Variants in TMEM183A observed in about 807,000 individuals in gnomAD.
TMEM183A encodes the protein chromosome 1 open reading frame 37.
In TMEM183A, 21 loss-of-function variants were observed where a neutral mutation model predicts 46.7. The observed-to-expected ratio is 0.45, with a 90% confidence interval of 0.32 to 0.65. TMEM183A has a LOEUF of 0.65. Among genes scored for constraint, TMEM183A ranks in the 30% least tolerant of loss-of-function variants. The pLI, the probability that TMEM183A is intolerant of heterozygous loss-of-function variation, is 0.04. For missense variants in TMEM183A, 331 were observed against 481.9 expected, an observed-to-expected ratio of 0.69 and a Z score of 2.93; for synonymous variants, 165 against 180.2, an observed-to-expected ratio of 0.92 and a Z score of 0.68.
rs190276133 is a variant in TMEM183A, at chr1:203,017,717, T to G, written c.709-764T>G. Reference sequence around the variant, plus strand: ...GAAGTTGTCCCATGTTTCTGGACTCTAGCTTTTCGTATTTGATTCCCCCTC... The same window carrying G: ...GAAGTTGTCCCATGTTTCTGGACTCGAGCTTTTCGTATTTGATTCCCCCTC... On this transcript the variant is annotated intron_variant, in intron 5 of 7. Coordinates refer to ENST00000367242, the MANE Select transcript of TMEM183A (RefSeq NM_138391.6). The G allele has an allele frequency of 2.4e-3, 2,332 of 985,828 alleles. 60 individuals are homozygous for G. The Admixed American group carries it at 0.071, about 30-fold the overall frequency. 61.1% of individuals were successfully genotyped at this position (985,828 alleles called of 1,614,324 possible).
At chr1:203,007,962 C>T in intron 2 of TMEM183A, 99 bp downstream of exon 2, 1 of 1,463,292 alleles carries the variant, frequency 6.8e-7, no homozygotes, top group Non-Finnish European at 9.3e-7. Context: ...CTTCCTGTAA[C>T]CGTGTTTGCT....
intron 2 of TMEM183A, among the ~76,000 whole-genome samples, 184 bp downstream of exon 2, chr1:203,008,047 TTC>T (rs1656150888): frequency 1.3e-5 from 2 of 152,036 alleles, no homozygotes; most frequent in African/African-American, 2.4e-5. Flanking sequence ...CAGAAATATT[TTC>T]TTTCTTTCTT....
chr1:203,019,814 G>C lies in TMEM183A; in HGVS notation c.790-979G>C, dbSNP rs1657495662. Among the ~76,000 whole-genome samples the C allele has an allele frequency of 2.6e-5, 4 of 152,128 alleles. No homozygotes were observed. In the South Asian group the frequency reaches 8.3e-4, roughly 32 times the overall value. On this transcript the variant is annotated intron_variant, in intron 6 of 7. Transcript: ENST00000367242. ...TATATTGTTTACTAATCTGATTACT[G>C]TCCAAGCCTTGAACAGTGACAGTAT... is the stretch of plus-strand genomic sequence containing the variant.
rs1169015564 is a variant in TMEM183A, at chr1:203,011,897, CTTTTTA to C, written c.368-2987_368-2982del. ...TTTTTTTTTTTTTCTTTTTAAATTT[CTTTTTA>C]TTTTATTGTTTCAGCAGGTATAATG... On this transcript the variant is annotated intron_variant, in intron 3 of 7. Transcript: ENST00000367242. Among the ~76,000 whole-genome samples the C allele has an allele frequency of 3.7e-3, 392 of 104,920 alleles. 1 individual carries two copies. The highest frequency in any genetic ancestry group is 0.013 in the African/African-American group (356 of 27,572). The allele number at this position is 104,920 out of a possible 152,430, so 68.8% of individuals were successfully genotyped here.
Position 203,023,651 on chromosome 1 carries a change from G to C in TMEM183A, c.*611G>C, listed in dbSNP as rs1657927499. On this transcript the variant is annotated 3_prime_UTR_variant, in exon 8 of 8. Transcript: ENST00000367242. ...ATTTTTTTGCATGAGGCTGATAATGGTGATGATGACTTTATACCCTTGGTA... is the reference window on the plus strand; with the variant it reads ...ATTTTTTTGCATGAGGCTGATAATGCTGATGATGACTTTATACCCTTGGTA... The C allele has an allele frequency of 6.5e-6, 1 of 152,914 alleles. No homozygotes were observed. Among genetic ancestry groups the C allele is most frequent in the African/African-American group, 2.4e-5 (1 of 41,440 alleles). 9.5% of individuals were successfully genotyped at this position (152,914 alleles called of 1,614,324 possible).
chr1:203,015,978 T>A lies in TMEM183A; in HGVS notation c.546T>A (p.Ala182=). Residue 182 remains alanine (A), a synonymous_variant, in exon 5 of 8, where the codon GCT becomes GCA. Coordinates refer to ENST00000367242, the MANE Select transcript of TMEM183A (RefSeq NM_138391.6). ...GTTTCAGGCACTACACGCTGGATGC[T>A]TCCCTGCCTTTGCGTCTGCGACCAG... The part of the protein sequence containing the change: ...RLYRRHYTLD[A]SLPLRLRPES... 6.2e-7 allele frequency: 1 copy of A among 1,614,030 alleles called. No individual in the cohort carries two copies. Among genetic ancestry groups the A allele is most frequent in the Non-Finnish European group, 8.5e-7 (1 of 1,179,870 alleles).
In TMEM183A at chr1:203,007,389, G is replaced by T. The variant is rs1055348663; in HGVS notation, c.-77G>T. 8.5e-5 allele frequency: 110 copies of T among 1,289,902 alleles called. No homozygotes were observed. Among genetic ancestry groups the T allele is most frequent in the Non-Finnish European group, 1.1e-4 (108 of 1,009,570 alleles). 79.9% of individuals were successfully genotyped at this position (1,289,902 alleles called of 1,614,324 possible). On this transcript the variant is annotated 5_prime_UTR_variant, in exon 1 of 8. Coordinates refer to ENST00000367242, the MANE Select transcript of TMEM183A (RefSeq NM_138391.6). ...GACCTATGTTCTCGCGAGAGTTAGC[G>T]GCCTCCGGTGTGGGATGGCCGCGGA...
intron 2 of TMEM183A, among the ~76,000 whole-genome samples, chr1:203,008,270 C>T (rs1420272179): frequency 6.6e-6 from 1 of 152,116 alleles, no homozygotes; most frequent in Non-Finnish European, 1.5e-5. Flanking sequence ...CTACTGCCTC[C>T]AGCTCAGGAC....
intron 5 of TMEM183A, 126 bp from the exon 6 acceptor site, chr1:203,018,355 A>T: frequency 9.2e-7 from 1 of 1,085,640 alleles, no homozygotes; most frequent in East Asian, 2.6e-5. Context: ...AAATCTCAGC[A>T]TTGGGACCGT....
chr1:203,015,070 T>A (rs371150061), intron 4 of TMEM183A, 22 bp downstream of exon 4: 17 of 1,607,358 alleles, frequency 1.1e-5, no homozygotes, highest in Non-Finnish European at 1.4e-5. Flanking sequence ...GAGAGCTCAC[T>A]CTTTTATCTG....
intron 7 of TMEM183A, 30 bp from the exon 8 acceptor site, chr1:203,022,825 T>A: frequency 6.2e-7 from 1 of 1,613,826 alleles, no homozygotes; most frequent in Non-Finnish European, 8.5e-7. Context: ...GTTGTGTAAG[T>A]TGGATACTGA....
In TMEM183A at chr1:203,014,957, C is replaced by T. The variant is rs773018576; in HGVS notation, c.436C>T (p.Arg146Cys). 1.2e-6 allele frequency: 2 copies of T among 1,613,822 alleles called. No homozygotes were observed. The highest frequency in any genetic ancestry group is 8.5e-7 in the Non-Finnish European group (1 of 1,179,852). ...DIWLLLASYI[R>C]PEDIVNFSLI... ...TTGGCTATTGCTGGCCTCCTATATC[C>T]GTCCTGAGGACATTGTGAATTTTTC... The change falls in exon 4 of 8, where the codon CGT (arginine) becomes TGT (cysteine). Residue 146 changes from arginine to cysteine, a missense_variant. Physicochemically the swap from Arg to Cys is radical, Grantham distance 180. Around this residue, in one of 2 missense-constraint regions of TMEM183A, gnomAD observed 233 missense variants for 385.8 expected, o/e 0.60. Transcript: ENST00000367242.
At position 203,013,159 on chromosome 1, in the gene TMEM183A, AGAT is replaced by A. The variant is rs1321585238; in HGVS notation, c.368-1722_368-1720del. On this transcript the variant is annotated intron_variant, in intron 3 of 7. Coordinates refer to ENST00000367242, the MANE Select transcript of TMEM183A (RefSeq NM_138391.6). This position sits in a 1 kb window ranked among gnomAD's most constrained non-coding sequence, Gnocchi z 4.0. ...TTATAAGAAGGATAAGAATTAGAAA[AGAT>A]GATGATGTTTTAGACATATTGGGTC... Among the ~76,000 whole-genome samples, 2 of 152,244 alleles carry A rather than the reference AGAT, an allele frequency of 1.3e-5. No individual in the cohort carries two copies. Among genetic ancestry groups the A allele is most frequent in the Non-Finnish European group, 2.9e-5 (2 of 68,042 alleles).
intron 7 of TMEM183A, 40 bp from the exon 8 acceptor site, chr1:203,022,815 G>A: frequency 1.9e-6 from 3 of 1,613,096 alleles, no homozygotes; most frequent in Non-Finnish European, 2.5e-6. Context: ...GGAAACCAAG[G>A]TTGTGTAAGT....
intron 3 of TMEM183A, among the ~76,000 whole-genome samples, chr1:203,010,003 G>A (rs888023421): frequency 2.6e-5 from 4 of 151,978 alleles, no homozygotes; most frequent in African/African-American, 9.7e-5. Context: ...GCGTGGTGGT[G>A]TGCACCTGTA....
At chr1:203,020,467 G>A (rs1657557583) in intron 6 of TMEM183A, among the ~76,000 whole-genome samples, 1 of 152,160 alleles carries the variant, frequency 6.6e-6, no homozygotes, top group Non-Finnish European at 1.5e-5. Context: ...ATGTTCTTTG[G>A]AGTCTGACAA....
chr1:203,021,399 C>CT (rs1159711051), intron 7 of TMEM183A, among the ~76,000 whole-genome samples: 1 of 151,690 alleles, frequency 6.6e-6, no homozygotes, highest in Non-Finnish European at 1.5e-5. Context: ...AGGAAGGTAT[C>CT]TTTTTTCAAA....
At chr1:203,022,033 A>AT (rs1657741522) in intron 7 of TMEM183A, among the ~76,000 whole-genome samples, 1 of 152,022 alleles carries the variant, frequency 6.6e-6, no homozygotes, top group African/African-American at 2.4e-5. Flanking sequence ...CTCTCAAATA[A>AT]TTTTGTATAA....
chr1:203,022,697 T>C (rs1227582723), intron 7 of TMEM183A, among the ~76,000 whole-genome samples, 158 bp from the exon 8 acceptor site: 1 of 150,524 alleles, frequency 6.6e-6, no homozygotes, highest in Non-Finnish European at 1.5e-5. Flanking sequence ...AACGAGGTCC[T>C]TTCTCAAAAA....
Sources: gnomAD v4.1 joint callset for allele counts (sites outside exome capture counted in the v4.1 genomes callset) on GRCh38, gnomAD v4.1.1 for gene constraint, gnomAD v4.1.1 regional missense constraint, Gnocchi (gnomAD v3.1) non-coding constraint, MANE v1.5 for transcripts, NCBI Gene and HGNC (gene_info 2026-07-23, HGNC 2026-07-21) for gene names.